The following ANKHD1 variants were observed in gnomAD, a reference collection of about 807,000 sequenced individuals.
ANKHD1 encodes the protein ankyrin repeat and KH domain containing 1.
Under a neutral mutation model 230.5 loss-of-function variants are expected in ANKHD1, and 31 were observed. That is an observed-to-expected ratio of 0.13 (90% CI 0.10 to 0.18). The LOEUF is 0.18. Among genes scored for constraint, ANKHD1 ranks in the 10% least tolerant of loss-of-function variants. The pLI, the probability that ANKHD1 is intolerant of heterozygous loss-of-function variation, is 1.00. For synonymous variants in ANKHD1, 1,074 were observed against 1,117.6 expected, an observed-to-expected ratio of 0.96 and a Z score of 0.78; for missense variants, 2,256 against 3,071.3, an observed-to-expected ratio of 0.73 and a Z score of 6.27.
chr5:140,405,329 AT>A (rs1581194074), intron 1 of ANKHD1, among the ~76,000 whole-genome samples: 1 of 151,950 alleles, frequency 6.6e-6, no homozygotes, highest in East Asian at 1.9e-4. Flanking sequence ...TAAGCAGGAA[AT>A]TTTTTTTGGG....
intron 1 of ANKHD1, among the ~76,000 whole-genome samples, chr5:140,412,581 C>G (rs1233908465): frequency 6.6e-6 from 1 of 152,170 alleles, no homozygotes. Context: ...TTGGAAAGTT[C>G]AGGTCTTTCA....
At chr5:140,441,184 A>C in intron 5 of ANKHD1, 42 bp downstream of exon 5, 2 of 1,480,072 alleles carry the variant, frequency 1.4e-6, no homozygotes, top group East Asian at 2.5e-5. Flanking sequence ...AAAAATTGAC[A>C]TAATTATTAC....
chr5:140,538,055 T>A (rs202201726), intron 31 of ANKHD1, 31 bp from the exon 32 acceptor site: 46 of 1,579,228 alleles, frequency 2.9e-5, no homozygotes, highest in Non-Finnish European at 3.7e-5. Flanking sequence ...CCAAATAAAT[T>A]TAAAACTTTG....
Position 140,401,857 on chromosome 5 carries a change from G to T in ANKHD1, c.-111G>T. The stretch of plus-strand genomic sequence containing the variant: ...CAGTGAGAAGTTAGTGGCGCTGCTG[G>T]GACGGGGGAAAGGAGACGCTTCTTC... On this transcript the variant is annotated 5_prime_UTR_variant, in exon 1 of 34. Coordinates refer to ENST00000360839, the MANE Select transcript of ANKHD1 (RefSeq NM_017747.3). 1 of 1,412,738 alleles carries T rather than the reference G, an allele frequency of 7.1e-7. No individual in the cohort carries two copies. The highest frequency in any genetic ancestry group is 9.2e-7 in the Non-Finnish European group (1 of 1,086,634). 87.5% of individuals were successfully genotyped at this position (1,412,738 alleles called of 1,614,324 possible). A position where few individuals can be genotyped will look rare whatever the true frequency, so the allele number is the denominator to read the frequency against.
At position 140,524,243 on chromosome 5, in the gene ANKHD1, G is replaced by A. The variant is rs80159662; in HGVS notation, c.4492+3G>A. ...TGAAGAGGAGAATGATGAAGATGGTGAGAAACAAACCATCTGAATTAACGA... is the reference window on the plus strand; with the variant it reads ...TGAAGAGGAGAATGATGAAGATGGTAAGAAACAAACCATCTGAATTAACGA... On this transcript the variant is annotated splice_donor_region_variant and intron_variant, in intron 25 of 33. Coordinates refer to ENST00000360839, the MANE Select transcript of ANKHD1 (RefSeq NM_017747.3). 1 of 1,561,348 alleles carries A rather than the reference G, an allele frequency of 6.4e-7. No homozygotes were observed. The highest frequency in any genetic ancestry group is 2.3e-5 in the East Asian group (1 of 43,236).
intron 14 of ANKHD1, among the ~76,000 whole-genome samples, chr5:140,495,314 C>T (rs986920094): frequency 2.1e-4 from 31 of 149,254 alleles, no homozygotes; most frequent in African/African-American, 6.9e-4. Flanking sequence ...GGCGCAATCT[C>T]GGCTCACTGC....
At position 140,483,452 on chromosome 5, in the gene ANKHD1, CTTTTTTTT is replaced by C. The variant is rs369245406; in HGVS notation, c.1870+800_1870+807del. Among the ~76,000 whole-genome samples the C allele has an allele frequency of 4.7e-3, 518 of 110,600 alleles. 4 individuals are homozygous for C. Among genetic ancestry groups the C allele is most frequent in the African/African-American group, 0.017 (499 of 28,668 alleles). 72.6% of individuals were successfully genotyped at this position (110,600 alleles called of 152,430 possible). A position where few individuals can be genotyped will look rare whatever the true frequency, so the allele number is the denominator to read the frequency against. The stretch of plus-strand genomic sequence containing the variant: ...TTAAAAATGCAGGGTAAGATTTTAT[CTTTTTTTT>C]TTTTTTTTTTTTTTGAGAAGGAGTT... On this transcript the variant is annotated intron_variant, in intron 11 of 33. Coordinates refer to ENST00000360839, the MANE Select transcript of ANKHD1 (RefSeq NM_017747.3).
rs1773812733 is a variant in ANKHD1, at chr5:140,441,091, G to A, written c.862G>A (p.Val288Met). ...AASSGGYLDI[V>M]KLLLLHDADV... ...TTCCAGTGGAGGTTACTTAGATATT[G>A]TGAAATTATTACTTCTTCATGATGC... The change falls in exon 5 of 34, where the codon GTG becomes ATG. Residue 288 changes from valine (V) to methionine (M), a missense_variant. Transcript: ENST00000360839. 6.2e-7 allele frequency: 1 copy of A among 1,609,940 alleles called. No individual in the cohort carries two copies. The highest frequency in any genetic ancestry group is 1.7e-5 in the Admixed American group (1 of 59,114).
At chr5:140,505,087 A>G in intron 16 of ANKHD1, 35 bp from the exon 17 acceptor site, 1 of 1,602,814 alleles carries the variant, frequency 6.2e-7, no homozygotes, top group Middle Eastern at 1.7e-4. Context: ...AACTTCTGTT[A>G]AAAAAAATTT....
At chr5:140,454,766 A>C (rs1775030422) in intron 7 of ANKHD1, among the ~76,000 whole-genome samples, 1 of 152,240 alleles carries the variant, frequency 6.6e-6, no homozygotes, top group Non-Finnish European at 1.5e-5. Flanking sequence ...AACAGGAAAG[A>C]TCTAAAATTG....
At chr5:140,475,212 A>G (rs1750896544) in intron 10 of ANKHD1, among the ~76,000 whole-genome samples, 1 of 152,190 alleles carries the variant, frequency 6.6e-6, no homozygotes, top group South Asian at 2.1e-4. Flanking sequence ...AAATGAATCT[A>G]AAAATATGTA....
At chr5:140,534,018 T>C (rs1037982624) in intron 29 of ANKHD1, among the ~76,000 whole-genome samples, 16 of 152,036 alleles carry the variant, frequency 1.1e-4, no homozygotes, top group Non-Finnish European at 2.1e-4. Flanking sequence ...AAGTCTGAAA[T>C]AAGTAGGAAA....
chr5:140,537,283 T>A, intron 30 of ANKHD1, 106 bp from the exon 31 acceptor site: 1 of 1,475,724 alleles, frequency 6.8e-7, no homozygotes, highest in South Asian at 1.5e-5. Flanking sequence ...AGGTTTCTCA[T>A]ATTCTTATAG....
chr5:140,509,561 T>A, intron 20 of ANKHD1, 76 bp from the exon 21 acceptor site: 1 of 1,408,644 alleles, frequency 7.1e-7, no homozygotes, highest in South Asian at 2.0e-5. Context: ...AAAGAAATTA[T>A]GTAGCTTAGT....
intron 10 of ANKHD1, among the ~76,000 whole-genome samples, chr5:140,474,331 A>G (rs761976816): frequency 6.8e-4 from 103 of 152,166 alleles, no homozygotes; most frequent in Non-Finnish European, 1.0e-3. Context: ...AGTATCAAAC[A>G]GTCTCCCTCC....
At chr5:140,538,784 T>TA in intron 32 of ANKHD1, 135 bp from the exon 33 acceptor site, 7 of 1,083,542 alleles carry the variant, frequency 6.5e-6, no homozygotes, top group Non-Finnish European at 8.3e-6. Flanking sequence ...AACACTGCCA[T>TA]ACTGTACTTA....
rs968737281 is a variant in ANKHD1 at position 140,530,050 on chromosome 5, T to TA, written c.6850+264dup. 1.7e-3 allele frequency among the ~76,000 whole-genome samples: 253 copies of TA among 149,592 alleles called. 1 individual carries two copies. Among genetic ancestry groups the TA allele is most frequent in the African/African-American group, 5.7e-3 (233 of 40,902 alleles). ...TTCAAGGATTCCAAATTTACAGACT[T>TA]AAAAAAAAAATCATAGTGATTGTTT... is the stretch of plus-strand genomic sequence containing the variant. On this transcript the variant is annotated intron_variant, in intron 29 of 33. Coordinates refer to ENST00000360839, the MANE Select transcript of ANKHD1 (RefSeq NM_017747.3).
At chr5:140,467,072 CAA>C (rs1299651272) in intron 10 of ANKHD1, among the ~76,000 whole-genome samples, 1 of 152,064 alleles carries the variant, frequency 6.6e-6, no homozygotes, top group African/African-American at 2.4e-5. Flanking sequence ...ATTATAGACA[CAA>C]TATATAATAC....
chr5:140,417,933 GGGTTCAA>G (rs1015830064), intron 1 of ANKHD1, among the ~76,000 whole-genome samples: 1 of 147,274 alleles, frequency 6.8e-6, no homozygotes, highest in Non-Finnish European at 1.5e-5. Flanking sequence ...TCCGCCTCCT[GGGTTCAA>G]GCAATTCTCC....
Sources: gnomAD v4.1 joint callset for allele counts (sites outside exome capture counted in the v4.1 genomes callset) on GRCh38, gnomAD v4.1.1 for gene constraint, MANE v1.5 for transcripts, NCBI Gene and HGNC (gene_info 2026-07-23, HGNC 2026-07-21) for gene names.